Variants in TENM3 observed in about 807,000 individuals in gnomAD.
The protein encoded by TENM3 is teneurin transmembrane protein 3.
A neutral mutation model predicts 255.1 loss-of-function variants in TENM3; 63 were observed. That is an observed-to-expected ratio of 0.25 (90% CI 0.20 to 0.30). The LOEUF (loss-of-function observed/expected upper bound fraction) is 0.30. TENM3 is among the 10% of genes least tolerant of loss of function. The pLI, the probability that TENM3 is intolerant of heterozygous loss-of-function variation, is 1.00. For synonymous variants in TENM3, 1,306 were observed against 1,322.3 expected (o/e 0.99, Z 0.27); for missense variants, 2,929 against 3,461.1 (o/e 0.85, Z 3.86).
chr4:182,532,230 C>T (rs200754023), intron 3 of TENM3, among the ~76,000 whole-genome samples: 1 of 152,162 alleles, frequency 6.6e-6, no homozygotes, highest in Non-Finnish European at 1.5e-5. Flanking sequence ...AATATGGCTT[C>T]TCTAGTCATG....
intron 16 of TENM3, among the ~76,000 whole-genome samples, chr4:182,735,529 T>C (rs1482694925): frequency 6.6e-6 from 1 of 152,204 alleles, no homozygotes. Context: ...AGGGGAAACA[T>C]TGCTGAACAC....
At chr4:182,522,773 A>G (rs762196298) in intron 3 of TENM3, among the ~76,000 whole-genome samples, 14 of 152,180 alleles carry the variant, frequency 9.2e-5, no homozygotes, top group Admixed American at 1.3e-4. Flanking sequence ...TACACGTGGG[A>G]GTACAGATAT....
At chr4:182,779,382 A>G (rs548484654) in intron 24 of TENM3, among the ~76,000 whole-genome samples, 6 of 152,202 alleles carry the variant, frequency 3.9e-5, no homozygotes, top group Admixed American at 6.5e-5. Context: ...TACAAAGGAC[A>G]TGAACTCATC....
intron 3 of TENM3, among the ~76,000 whole-genome samples, chr4:182,571,793 C>T (rs1407311726): frequency 6.6e-6 from 1 of 152,098 alleles, no homozygotes; most frequent in Admixed American, 6.5e-5. Context: ...ATATAATTAA[C>T]ATAGAAGACT....
chr4:181,474,362 T>A, the TENM3 span, among the ~76,000 whole-genome samples: 1 of 152,084 alleles, frequency 6.6e-6, no homozygotes, highest in East Asian at 1.9e-4. Flanking sequence ...AAAAATAAAG[T>A]CAACTTACAT....
chr4:182,568,757 G>A (rs1744050519), intron 3 of TENM3, among the ~76,000 whole-genome samples: 1 of 152,132 alleles, frequency 6.6e-6, no homozygotes, highest in South Asian at 2.1e-4. Context: ...TAGGAGAAGG[G>A]ATTGTGATAT....
At chr4:182,184,576 T>A (rs1021240103) in intron 1 of TENM3, among the ~76,000 whole-genome samples, 1 of 151,578 alleles carries the variant, frequency 6.6e-6, no homozygotes. Flanking sequence ...AAAATTAAAA[T>A]GTTTTAAAAT....
the TENM3 span, among the ~76,000 whole-genome samples, chr4:181,754,772 A>G: frequency 1.3e-5 from 2 of 152,290 alleles, no homozygotes; most frequent in African/African-American, 4.8e-5. Flanking sequence ...GGATTGGACA[A>G]TTCTAAAGAG....
intron 1 of TENM3, among the ~76,000 whole-genome samples, chr4:182,156,985 A>G (rs935437497): frequency 3.3e-5 from 5 of 152,206 alleles, no homozygotes; most frequent in African/African-American, 1.2e-4. Flanking sequence ...CAGGAGAGGT[A>G]ATAGAAGGAT....
At chr4:181,452,511 G>T in the TENM3 span, among the ~76,000 whole-genome samples, 1 of 152,022 alleles carries the variant, frequency 6.6e-6, no homozygotes, top group African/African-American at 2.4e-5. Context: ...TCTCCCTTTT[G>T]CTTGGTATTT....
the TENM3 span, among the ~76,000 whole-genome samples, chr4:181,770,052 G>C: frequency 6.6e-6 from 1 of 152,160 alleles, no homozygotes; most frequent in African/African-American, 2.4e-5. Flanking sequence ...TTACAACGGG[G>C]AAGCGGTAGA....
intron 22 of TENM3, among the ~76,000 whole-genome samples, chr4:182,762,325 T>C (rs192855485): frequency 1.3e-3 from 201 of 152,330 alleles, no homozygotes; most frequent in African/African-American, 4.6e-3. Flanking sequence ...GTTCTGCAAC[T>C]GTCTAGATTA....
the TENM3 span, among the ~76,000 whole-genome samples, chr4:181,978,373 G>T: frequency 6.6e-6 from 1 of 152,166 alleles, no homozygotes; most frequent in Non-Finnish European, 1.5e-5. Flanking sequence ...AGGGGGCTGG[G>T]CGTGGTGGCT....
chr4:181,524,017 C>T, the TENM3 span, among the ~76,000 whole-genome samples: 1 of 152,152 alleles, frequency 6.6e-6, no homozygotes, highest in East Asian at 1.9e-4. Flanking sequence ...ATCTTACACT[C>T]ACAGAATTCT....
intron 1 of TENM3, among the ~76,000 whole-genome samples, chr4:182,266,921 AAT>A (rs1335642112): frequency 6.6e-6 from 1 of 152,200 alleles, no homozygotes; most frequent in Non-Finnish European, 1.5e-5. Context: ...ATCCACAGAC[AAT>A]TGTTGTCTTG....
At chr4:182,129,745 T>C in the TENM3 span, among the ~76,000 whole-genome samples, 4 of 152,134 alleles carry the variant, frequency 2.6e-5, no homozygotes, top group Admixed American at 6.5e-5. Flanking sequence ...AAAGTATGCA[T>C]TAGGTAAATA....
intron 22 of TENM3, among the ~76,000 whole-genome samples, chr4:182,767,068 CTCTGTTTCCCTTGGTG>C (rs776934451): frequency 6.6e-6 from 1 of 152,150 alleles, no homozygotes; most frequent in Non-Finnish European, 1.5e-5. Flanking sequence ...TAGGCGACTG[CTCTGTTTCCCTTGGTG>C]ATAGAAGCAT....
At chr4:182,674,490 T>G (rs1475774866) in intron 7 of TENM3, among the ~76,000 whole-genome samples, 1 of 152,190 alleles carries the variant, frequency 6.6e-6, no homozygotes, top group Non-Finnish European at 1.5e-5. Context: ...AATTTGATCC[T>G]TATGCATTGT....
At chr4:181,702,709 A>G in the TENM3 span, among the ~76,000 whole-genome samples, 39 of 152,356 alleles carry the variant, frequency 2.6e-4, no homozygotes, top group Non-Finnish European at 5.1e-4. Context: ...TATTTTACTT[A>G]CCATTAACAT....
Sources: gnomAD v4.1 joint callset for allele counts (sites outside exome capture counted in the v4.1 genomes callset) on GRCh38, gnomAD v4.1.1 for gene constraint, MANE v1.5 for transcripts, NCBI Gene and HGNC (gene_info 2026-07-23, HGNC 2026-07-21) for gene names.